Variants in BICD2 observed in about 807,000 individuals in gnomAD.
BICD2 encodes protein bicaudal D homolog 2.
BICD2 carries 25 observed loss-of-function variants against 72.9 expected under a neutral mutation model. The ratio of observed to expected loss-of-function variants is 0.34; its 90% CI spans 0.25 to 0.48. The LOEUF is 0.48. Ranked by LOEUF, BICD2 falls within the 20% of genes least tolerant of loss-of-function variation. BICD2 has a pLI of 0.99. For missense variants in BICD2, 894 were observed against 1,175.2 expected (o/e 0.76, Z 3.50); for synonymous variants, 501 against 516.1 (o/e 0.97, Z 0.40).
intron 2 of BICD2, among the ~76,000 whole-genome samples, chr9:92,723,198 C>G (rs570404901): frequency 6.6e-6 from 1 of 152,264 alleles, no homozygotes; most frequent in Non-Finnish European, 1.5e-5. Flanking sequence ...GGTGCTGCAA[C>G]TGTTAAACAC....
At position 92,714,964 on chromosome 9, in the gene BICD2, T is replaced by C; in HGVS notation, c.*190A>G. 1.4e-6 allele frequency: 2 copies of C among 1,393,304 alleles called. No homozygotes were observed. The highest frequency in any genetic ancestry group is 1.9e-6 in the Non-Finnish European group (2 of 1,076,632). 86.3% of individuals were successfully genotyped at this position (1,393,304 alleles called of 1,614,324 possible). ...AGGACTGGGTGCTCCTGAGGGGGCT[T>C]TGAGGAGTGAGAAGCGACACAAAGC... On this transcript the variant is annotated 3_prime_UTR_variant, in exon 7 of 7. Transcript: ENST00000356884.
At chr9:92,728,934 G>A in intron 2 of BICD2, 90 bp downstream of exon 2, 2 of 1,452,954 alleles carry the variant, frequency 1.4e-6, no homozygotes, top group Non-Finnish European at 1.9e-6. Flanking sequence ...CCAGAGGCCA[G>A]CCCAGCCCAG....
Position 92,711,755 on chromosome 9 carries a change from G to A in BICD2, c.*3399C>T, listed in dbSNP as rs1292547024. The A allele has an allele frequency of 1.3e-5, 2 of 152,480 alleles. No individual in the cohort carries two copies. The highest frequency in any genetic ancestry group is 2.4e-5 in the African/African-American group (1 of 41,392). The allele number at this position is 152,480 out of a possible 1,614,324, so 9.4% of individuals were successfully genotyped here. ...ATTTCTTATGAATCAACACTGTAAC[G>A]GAAGGTAAAAATAGGAGTCCCTACA... On this transcript the variant is annotated 3_prime_UTR_variant, in exon 7 of 7. Coordinates refer to ENST00000356884, the MANE Select transcript of BICD2 (RefSeq NM_001003800.2).
intron 1 of BICD2, among the ~76,000 whole-genome samples, chr9:92,756,739 C>T (rs980975576): frequency 2.0e-5 from 3 of 151,500 alleles, no homozygotes; most frequent in East Asian, 2.0e-4. Context: ...TGGTGGTGCA[C>T]GCCTGTAATC....
At chr9:92,721,068 G>A (rs938596791) in intron 3 of BICD2, among the ~76,000 whole-genome samples, 1 of 152,238 alleles carries the variant, frequency 6.6e-6, no homozygotes, top group Non-Finnish European at 1.5e-5. Context: ...GTGGCCCCAA[G>A]CCAGGACTGT....
Position 92,764,738 on chromosome 9 carries a change from C to G in BICD2, c.7G>C (p.Ala3Pro), listed in dbSNP as rs749811756. The G allele has an allele frequency of 1.3e-6, 2 of 1,568,494 alleles. No homozygotes were observed. Among genetic ancestry groups the G allele is most frequent in the Non-Finnish European group, 1.7e-6 (2 of 1,166,404 alleles). MSAPSEEEEYARL... is the reference protein window; with the variant it reads MSPPSEEEEYARL... ...GCGTACTCCTCCTCCTCCGACGGCG[C>G]CGACATGGTGGCCGAGGGCTGAGCC... Residue 3 changes from alanine to proline, a missense_variant, in exon 1 of 7, where the codon GCG (alanine) becomes CCG (proline). Physicochemically the swap from Ala to Pro is conservative, Grantham distance 27. Coordinates refer to ENST00000356884, the MANE Select transcript of BICD2 (RefSeq NM_001003800.2). This position sits in a 1 kb window ranked among gnomAD's most constrained non-coding sequence, Gnocchi z 5.5.
intron 1 of BICD2, among the ~76,000 whole-genome samples, chr9:92,757,806 C>T (rs1854291798): frequency 6.6e-6 from 1 of 152,210 alleles, no homozygotes; most frequent in Non-Finnish European, 1.5e-5. Context: ...AGACCGGCCA[C>T]AGCTGCAAAC....
Position 92,718,656 on chromosome 9 carries a change from G to A in BICD2, c.1989C>T (p.Pro663=), listed in dbSNP as rs377116071. ...GCGCTTCCTTGTCCTTGTCCACGGC[G>A]GGGCCCAGCTCCTGAGAGGCAATGC... is the stretch of plus-strand genomic sequence containing the variant. ...RQRIASQELG[P]AVDKDKEALM... The change falls in exon 5 of 7, where the codon CCC becomes CCT. Residue 663 remains proline, a synonymous_variant. Coordinates refer to ENST00000356884, the MANE Select transcript of BICD2 (RefSeq NM_001003800.2). 66 of 1,613,894 alleles carry A rather than the reference G, an allele frequency of 4.1e-5. No individual in the cohort carries two copies. Among genetic ancestry groups the A allele is most frequent in the South Asian group, 1.5e-4 (14 of 91,080 alleles).
chr9:92,748,678 T>C lies in BICD2; in HGVS notation c.240+15827A>G, dbSNP rs369580184. Among the ~76,000 whole-genome samples the C allele has an allele frequency of 9.9e-5, 15 of 152,108 alleles. No individual in the cohort carries two copies. In the East Asian group the frequency reaches 2.7e-3, roughly 28 times the overall value. The stretch of plus-strand genomic sequence containing the variant: ...CTCTTCCCATCCATCCCCAGCTGGG[T>C]GGGGATGCTCCAGCATCACTAAACC... On this transcript the variant is annotated intron_variant, in intron 1 of 6. Transcript: ENST00000356884.
chr9:92,756,898 C>T (rs911938709), intron 1 of BICD2, among the ~76,000 whole-genome samples: 29 of 150,288 alleles, frequency 1.9e-4, no homozygotes, highest in Non-Finnish European at 3.0e-5. Flanking sequence ...AAGAGAAAGA[C>T]AAGAGTAAGG....
At chr9:92,762,201 A>AC in intron 1 of BICD2, among the ~76,000 whole-genome samples, 1 of 152,294 alleles carries the variant, frequency 6.6e-6, no homozygotes, top group African/African-American at 2.4e-5. Flanking sequence ...GAGAAAAAAA[A>AC]CCCCACAATT....
intron 3 of BICD2, among the ~76,000 whole-genome samples, chr9:92,721,704 G>A (rs1587671128): frequency 6.6e-6 from 1 of 152,194 alleles, no homozygotes; most frequent in Non-Finnish European, 1.5e-5. Flanking sequence ...GAGAGGGAGA[G>A]AGAGTCAGAC....
chr9:92,755,199 G>A (rs531350526), intron 1 of BICD2, among the ~76,000 whole-genome samples: 40 of 152,258 alleles, frequency 2.6e-4, no homozygotes, highest in African/African-American at 5.1e-4. Context: ...TTCCCATAGC[G>A]CTCCCAGGCT....
chr9:92,758,228 T>TG (rs1564074383), intron 1 of BICD2, among the ~76,000 whole-genome samples: 6 of 145,140 alleles, frequency 4.1e-5, no homozygotes, highest in African/African-American at 1.5e-4. Flanking sequence ...ATAATAATAA[T>TG]AATATGAATA....
chr9:92,729,446 T>A (rs1853636973), intron 1 of BICD2, among the ~76,000 whole-genome samples: 3 of 152,176 alleles, frequency 2.0e-5, no homozygotes, highest in Admixed American at 1.3e-4. Context: ...GCACCCAAGG[T>A]TCATCTGCTT....
Position 92,722,815 on chromosome 9 carries a change from G to T in BICD2, c.454-7C>A. ...TCTCCACATTCTGGTTGATCTGTTG[G>T]GGGAGAGGGAAAGGCAGGTATGAGC... On this transcript the variant is annotated splice_region_variant and splice_polypyrimidine_tract_variant and intron_variant, in intron 2 of 6. Coordinates refer to ENST00000356884, the MANE Select transcript of BICD2 (RefSeq NM_001003800.2). The T allele has an allele frequency of 6.2e-7, 1 of 1,614,050 alleles. No individual in the cohort carries two copies. The highest frequency in any genetic ancestry group is 8.5e-7 in the Non-Finnish European group (1 of 1,179,996).
chr9:92,713,326 G>A lies in BICD2; in HGVS notation c.*1828C>T. ...GAATGCTATTTTGAAAAGAATTGCA[G>A]TGGCATATCCAAAAAGTTTCTAAGT... On this transcript the variant is annotated 3_prime_UTR_variant, in exon 7 of 7. Transcript: ENST00000356884. The A allele has an allele frequency of 4.2e-6, 4 of 960,282 alleles. No homozygotes were observed. The highest frequency in any genetic ancestry group is 6.4e-6 in the Non-Finnish European group (4 of 627,450). 59.5% of individuals were successfully genotyped at this position (960,282 alleles called of 1,614,324 possible).
In BICD2 at chr9:92,722,684, T is replaced by G. The variant is rs1293205306; in HGVS notation, c.578A>C (p.Lys193Thr). The G allele has an allele frequency of 6.2e-7, 1 of 1,614,220 alleles. No homozygotes were observed. Among genetic ancestry groups the G allele is most frequent in the Admixed American group, 1.7e-5 (1 of 60,024 alleles). ...GTTCTGTCTGAGCACAGACACTTGC[T>G]TCTGCAGGCTGATGTTCTCCTCCTC... ...ELEEENISLQ[K>T]QVSVLRQNQV... is the part of the protein sequence containing the mutation. Residue 193 changes from lysine (K) to threonine (T), a missense_variant, in exon 3 of 7, where the codon AAG becomes ACG. This residue lies in a region of BICD2 where 5 missense variants were observed against 24.5 expected (regional missense o/e 0.20). Transcript: ENST00000356884.
intron 1 of BICD2, among the ~76,000 whole-genome samples, chr9:92,762,427 C>T (rs558457029): frequency 1.3e-5 from 2 of 152,156 alleles, no homozygotes; most frequent in East Asian, 1.9e-4. Context: ...TGCTAGAGAC[C>T]GAGCAGAAAC....
Sources: allele counts gnomAD v4.1 joint callset (sites outside exome capture counted in the v4.1 genomes callset), GRCh38; gene constraint gnomAD v4.1.1; regional missense constraint gnomAD v4.1.1; non-coding constraint Gnocchi (gnomAD v3.1); transcripts MANE v1.5; gene names NCBI Gene and HGNC (gene_info 2026-07-23, HGNC 2026-07-21).